The following KDM4B variants were observed in gnomAD, a reference collection of about 807,000 sequenced individuals.
The protein encoded by KDM4B is lysine-specific demethylase 4B.
Under a neutral mutation model 125.2 loss-of-function variants are expected in KDM4B, and 32 were observed. The ratio of observed to expected loss-of-function variants is 0.26; its 90% CI spans 0.19 to 0.34. KDM4B has a LOEUF of 0.34. Among genes scored for constraint, KDM4B ranks in the 10% least tolerant of loss-of-function variants. The pLI, the probability that KDM4B is intolerant of heterozygous loss-of-function variation, is 1.00. For missense variants in KDM4B, 1,190 were observed against 1,577.7 expected (o/e 0.75, Z 4.16); for synonymous variants, 721 against 677.9 (o/e 1.06, Z -0.99).
chr19:5,096,905 G>T (rs1188007736), intron 9 of KDM4B, among the ~76,000 whole-genome samples: 1 of 152,220 alleles, frequency 6.6e-6, no homozygotes. Flanking sequence ...GCTCAGAGAA[G>T]GCTGAGGGAA....
intron 2 of KDM4B, 124 bp from the exon 3 acceptor site, chr19:5,032,742 C>G: frequency 1.2e-6 from 1 of 864,808 alleles, no homozygotes; most frequent in East Asian, 2.6e-5. Context: ...CCGCGAGGGC[C>G]CAGCCGCCTT....
chr19:5,113,854 G>A (rs542570115), intron 10 of KDM4B: 90 of 978,998 alleles, frequency 9.2e-5, no homozygotes, highest in Non-Finnish European at 1.1e-4. Flanking sequence ...TGCCCTCGGC[G>A]TGGCTGTGGG....
chr19:5,004,443 C>T (rs2035492943), intron 1 of KDM4B, among the ~76,000 whole-genome samples: 1 of 152,176 alleles, frequency 6.6e-6, no homozygotes, highest in Non-Finnish European at 1.5e-5. Flanking sequence ...CGGGCTCATA[C>T]ACCTCTACCC....
At chr19:5,093,222 T>C (rs1373033597) in intron 9 of KDM4B, among the ~76,000 whole-genome samples, 1 of 152,198 alleles carries the variant, frequency 6.6e-6, no homozygotes, top group Non-Finnish European at 1.5e-5. Context: ...GCTTGTCATG[T>C]CCCTGCAGGG....
intron 1 of KDM4B, among the ~76,000 whole-genome samples, chr19:5,000,328 T>C (rs538059620): frequency 1.3e-5 from 2 of 148,392 alleles, no homozygotes; most frequent in Admixed American, 6.8e-5. Context: ...CATCCATCCA[T>C]CCACCCACCC....
intron 21 of KDM4B, among the ~76,000 whole-genome samples, chr19:5,145,235 A>C: frequency 6.7e-6 from 1 of 150,206 alleles, no homozygotes; most frequent in Non-Finnish European, 1.5e-5. Flanking sequence ...TTTTTTAATC[A>C]AATTGGTAGT....
chr19:5,150,480 C>A, intron 22 of KDM4B, 30 bp downstream of exon 22: 1 of 1,511,338 alleles, frequency 6.6e-7, no homozygotes, highest in Non-Finnish European at 9.0e-7. Context: ...CTGGTGGCTC[C>A]GGGTGACTCA....
At chr19:5,047,199 G>A in intron 5 of KDM4B, 1 of 417,054 alleles carries the variant, frequency 2.4e-6, no homozygotes, top group Non-Finnish European at 4.3e-6. Context: ...AGGTACTCAG[G>A]AGACTGAGGC....
chr19:5,068,265 G>A (rs2037838592), intron 6 of KDM4B, among the ~76,000 whole-genome samples: 1 of 152,170 alleles, frequency 6.6e-6, no homozygotes, highest in South Asian at 2.1e-4. Flanking sequence ...TGAGTCTCTT[G>A]TCCTGTGGTG....
chr19:5,079,160 C>T (rs2038212460), intron 8 of KDM4B: 1 of 152,208 alleles, frequency 6.6e-6, no homozygotes, highest in Non-Finnish European at 1.5e-5. Flanking sequence ...AAAGTGTGTA[C>T]TTCTGTAATC....
intron 1 of KDM4B, among the ~76,000 whole-genome samples, chr19:5,013,022 G>A (rs1485327326): frequency 6.6e-6 from 1 of 152,212 alleles, no homozygotes; most frequent in Non-Finnish European, 1.5e-5. Context: ...GCCTAGGCTC[G>A]GGCTGTGCCT....
chr19:5,089,205 A>G (rs1189880834), intron 9 of KDM4B, among the ~76,000 whole-genome samples: 2 of 152,212 alleles, frequency 1.3e-5, no homozygotes, highest in African/African-American at 4.8e-5. Flanking sequence ...ACTGTCCAGA[A>G]ACATCCTTCC....
At chr19:5,059,013 G>A (rs1021073299) in intron 6 of KDM4B, among the ~76,000 whole-genome samples, 2 of 152,238 alleles carry the variant, frequency 1.3e-5, no homozygotes, top group Admixed American at 6.5e-5. Context: ...TATTCAGGCT[G>A]TGGGGGTCTG....
intron 6 of KDM4B, among the ~76,000 whole-genome samples, chr19:5,049,220 C>T (rs916718214): frequency 1.3e-5 from 2 of 152,120 alleles, no homozygotes; most frequent in African/African-American, 4.8e-5. Flanking sequence ...CCGAGGGCCT[C>T]TCCTGAGCTG....
At chr19:5,093,026 C>T (rs2038743200) in intron 9 of KDM4B, among the ~76,000 whole-genome samples, 1 of 152,200 alleles carries the variant, frequency 6.6e-6, no homozygotes, top group Non-Finnish European at 1.5e-5. Context: ...TGCCTGGGTG[C>T]AGACCCTCCC....
chr19:5,150,224 C>G lies in KDM4B; in HGVS notation c.3022-134C>G, dbSNP rs970698788. ...TGTCAGAGGTGGACATGAGCTTCAG[C>G]TTGGCTGCATGTGGCCTCTAGCGGG... On this transcript the variant is annotated intron_variant, in intron 21 of 22. Coordinates refer to ENST00000159111, the MANE Select transcript of KDM4B (RefSeq NM_015015.3). 6.3e-6 allele frequency: 4 copies of G among 630,308 alleles called. No individual in the cohort carries two copies. In the African/African-American group the frequency reaches 7.4e-5, roughly 12 times the overall value. The allele number at this position is 630,308 out of a possible 1,614,324, so 39.0% of individuals were successfully genotyped here. A position where few individuals can be genotyped will look rare whatever the true frequency, so the allele number is the denominator to read the frequency against.
Position 5,137,321 on chromosome 19 carries a change from G to A in KDM4B, c.2368G>A (p.Ala790Thr), listed in dbSNP as rs1425018826. The change falls in exon 16 of 23, where the codon GCC becomes ACC. Residue 790 changes from alanine (A) to threonine (T), a missense_variant. Transcript: ENST00000159111. ...AGGCTGGACGTGTTCCCGGTGCGCG[G>A]CCCACGCCTGGACTGCGGTAACTCG... ...NEGWTCSRCA[A>T]HAWTAECCLC... is the part of the protein sequence containing the mutation. The A allele has an allele frequency of 1.9e-6, 3 of 1,572,942 alleles. No homozygotes were observed. Among genetic ancestry groups the A allele is most frequent in the Non-Finnish European group, 1.7e-6 (2 of 1,159,380 alleles).
At chr19:5,021,075 G>A (rs1251818196) in intron 2 of KDM4B, among the ~76,000 whole-genome samples, 2 of 151,826 alleles carry the variant, frequency 1.3e-5, no homozygotes, top group African/African-American at 2.4e-5. Context: ...GAACCTGGGG[G>A]CAGAGGTTGC....
chr19:5,026,039 C>T (rs1308319775), intron 2 of KDM4B, among the ~76,000 whole-genome samples: 1 of 151,880 alleles, frequency 6.6e-6, no homozygotes, highest in Non-Finnish European at 1.5e-5. Flanking sequence ...CATGCCACCA[C>T]ACCCAGCTAA....
Sources: allele counts gnomAD v4.1 joint callset (sites outside exome capture counted in the v4.1 genomes callset), GRCh38; gene constraint gnomAD v4.1.1; transcripts MANE v1.5; gene names NCBI Gene and HGNC (gene_info 2026-07-23, HGNC 2026-07-21).